Variants in RUNX1 observed in about 807,000 individuals in gnomAD.
RUNX1 encodes runt-related transcription factor 1.
In RUNX1, 19 loss-of-function variants were observed where a neutral mutation model predicts 42.8. The ratio of observed to expected loss-of-function variants is 0.44; its 90% confidence interval spans 0.31 to 0.65. The LOEUF is 0.65. RUNX1 is among the 30% of genes least tolerant of loss of function. The probability of loss-of-function intolerance (pLI) is 0.07; values close to 1 mark genes in which losing one functional copy is unlikely to be tolerated. For missense variants in RUNX1, 528 were observed against 672.0 expected (o/e 0.79, Z 2.37); for synonymous variants, 271 against 289.4 (o/e 0.94, Z 0.64).
At chr21:34,909,097 T>C (rs2058250128) in intron 2 of RUNX1, among the ~76,000 whole-genome samples, 1 of 152,188 alleles carries the variant, frequency 6.6e-6, no homozygotes, top group Admixed American at 6.5e-5. Context: ...TTGTCTAGGA[T>C]TGTACTAAAG....
intron 6 of RUNX1, among the ~76,000 whole-genome samples, chr21:34,836,155 T>C (rs1177931728): frequency 6.6e-6 from 1 of 152,202 alleles, no homozygotes. Flanking sequence ...GCCCCTCTTG[T>C]CATGTGTCAC....
chr21:34,823,286 G>C (rs2056935733), intron 7 of RUNX1, among the ~76,000 whole-genome samples: 1 of 152,198 alleles, frequency 6.6e-6, no homozygotes, highest in Non-Finnish European at 1.5e-5. Context: ...CAGGAGGATT[G>C]AGCTGGACAT....
intron 7 of RUNX1, among the ~76,000 whole-genome samples, chr21:34,804,993 T>A (rs2056659771): frequency 6.6e-6 from 1 of 152,072 alleles, no homozygotes; most frequent in Non-Finnish European, 1.5e-5. Context: ...CCCCAGGTGA[T>A]CCACCCACTT....
At chr21:34,882,287 T>G (rs1411264703) in intron 4 of RUNX1, among the ~76,000 whole-genome samples, 5 of 152,222 alleles carry the variant, frequency 3.3e-5, no homozygotes, top group Non-Finnish European at 7.3e-5. Flanking sequence ...TCTATTGTTT[T>G]TATTCATTAG....
intron 5 of RUNX1, among the ~76,000 whole-genome samples, chr21:34,868,176 AG>A (rs1180878517): frequency 6.6e-6 from 1 of 152,134 alleles, no homozygotes; most frequent in East Asian, 1.9e-4. Context: ...AAGCTTGAGG[AG>A]GGAGCTGACT....
At chr21:34,848,991 T>C (rs1292758686) in intron 6 of RUNX1, among the ~76,000 whole-genome samples, 1 of 151,778 alleles carries the variant, frequency 6.6e-6, no homozygotes, top group Non-Finnish European at 1.5e-5. Flanking sequence ...TTTTAAGCCA[T>C]GGTGAACAAA....
chr21:34,795,111 G>A (rs752029217), intron 8 of RUNX1, among the ~76,000 whole-genome samples: 1 of 152,188 alleles, frequency 6.6e-6, no homozygotes, highest in Non-Finnish European at 1.5e-5. Context: ...TTTAAAATGT[G>A]AAGTTCTCAG....
chr21:34,822,682 C>T (rs200588308), intron 7 of RUNX1, among the ~76,000 whole-genome samples: 1 of 152,160 alleles, frequency 6.6e-6, no homozygotes, highest in Admixed American at 6.5e-5. Flanking sequence ...CTAAATAAAC[C>T]ACTTAGTGGG....
At chr21:34,811,792 G>A (rs2056762278) in intron 7 of RUNX1, among the ~76,000 whole-genome samples, 1 of 152,130 alleles carries the variant, frequency 6.6e-6, no homozygotes, top group Non-Finnish European at 1.5e-5. Flanking sequence ...TCTGATGGGA[G>A]CTCCTGAGAG....
At chr21:34,840,905 C>A (rs2057225004) in intron 6 of RUNX1, among the ~76,000 whole-genome samples, 2 of 152,190 alleles carry the variant, frequency 1.3e-5, no homozygotes, top group Admixed American at 1.3e-4. Context: ...TTCGTGCTAC[C>A]CTACTGACTG....
chr21:34,865,918 C>T (rs1053502363), intron 5 of RUNX1, among the ~76,000 whole-genome samples: 1 of 152,194 alleles, frequency 6.6e-6, no homozygotes, highest in African/African-American at 2.4e-5. Context: ...AAAAGTGCAT[C>T]CAGGCCACAT....
intron 6 of RUNX1, among the ~76,000 whole-genome samples, chr21:34,844,161 G>A (rs1398212609): frequency 2.0e-5 from 3 of 152,188 alleles, no homozygotes; most frequent in Non-Finnish European, 2.9e-5. Context: ...GATCAGAGTA[G>A]CTCCTGCCCA....
Position 34,962,446 on chromosome 21 carries a change from A to T in RUNX1, c.59-69483T>A, listed in dbSNP as rs758993779. On this transcript the variant is annotated intron_variant, in intron 2 of 8. Transcript: ENST00000675419. ...CTGTTAACTCTTCCCTTTTGCTAGC[A>T]TATAAAAGATAATATCACCAAACAG... is the stretch of plus-strand genomic sequence containing the variant. Among the ~76,000 whole-genome samples the T allele has an allele frequency of 2.6e-5, 4 of 152,236 alleles. No individual in the cohort carries two copies. The South Asian group carries it at 8.3e-4, about 32-fold the overall frequency.
intron 3 of RUNX1, among the ~76,000 whole-genome samples, chr21:34,892,473 A>T (rs2146452372): frequency 1.3e-5 from 2 of 152,358 alleles, no homozygotes; most frequent in East Asian, 3.9e-4. Context: ...TTCACTTCAT[A>T]AACCCATTGT....
chr21:35,024,110 T>C (rs1410859326), intron 2 of RUNX1, among the ~76,000 whole-genome samples: 1 of 152,150 alleles, frequency 6.6e-6, no homozygotes, highest in Non-Finnish European at 1.5e-5. Flanking sequence ...TGCCTCCATA[T>C]GTTTGTTTAC....
intron 6 of RUNX1, among the ~76,000 whole-genome samples, chr21:34,853,025 C>G (rs546292617): frequency 3.9e-5 from 6 of 152,334 alleles, no homozygotes; most frequent in South Asian, 2.1e-4. Flanking sequence ...TCCACGAAAC[C>G]CTTTGTTAAA....
At chr21:34,836,930 A>G (rs2057155520) in intron 6 of RUNX1, among the ~76,000 whole-genome samples, 1 of 152,240 alleles carries the variant, frequency 6.6e-6, no homozygotes, top group Non-Finnish European at 1.5e-5. Context: ...GACACCCAAC[A>G]GGAATCATCA....
At chr21:34,888,053 G>A in intron 3 of RUNX1, 1 of 1,066,368 alleles carries the variant, frequency 9.4e-7, no homozygotes. Context: ...TGGTCCTCTG[G>A]TTTGTTGGGA....
chr21:34,926,262 C>T (rs2058392303), intron 2 of RUNX1, among the ~76,000 whole-genome samples: 1 of 150,886 alleles, frequency 6.6e-6, no homozygotes, highest in Admixed American at 6.6e-5. Flanking sequence ...ACTGCTTGAC[C>T]CCAAAAGTTT....
Sources: gnomAD v4.1 joint callset for allele counts (sites outside exome capture counted in the v4.1 genomes callset) on GRCh38, gnomAD v4.1.1 for gene constraint, MANE v1.5 for transcripts, NCBI Gene and HGNC (gene_info 2026-07-23, HGNC 2026-07-21) for gene names.